Variants in STMN4 observed in about 807,000 individuals in gnomAD.
STMN4 encodes stathmin-4.
A neutral mutation model predicts 29.1 loss-of-function variants in STMN4; 12 were observed. That is an observed-to-expected ratio of 0.41 (90% CI 0.26 to 0.67). The LOEUF (loss-of-function observed/expected upper bound fraction) is 0.67, where lower values mean the gene tolerates loss of function less well. Ranked by LOEUF, STMN4 falls within the 30% of genes least tolerant of loss-of-function variation. STMN4 has a pLI of 0.30. For missense variants in STMN4, 181 were observed against 262.8 expected (o/e 0.69, Z 2.15); for synonymous variants, 114 against 105.3 (o/e 1.08, Z -0.51).
intron 1 of STMN4, among the ~76,000 whole-genome samples, chr8:27,250,967 G>A (rs954619973): frequency 7.9e-5 from 12 of 152,106 alleles, no homozygotes; most frequent in South Asian, 2.1e-4. Flanking sequence ...ATGCAGAAGC[G>A]GCTGAGTGCG....
chr8:27,254,179 T>C (rs1406303108), intron 1 of STMN4, among the ~76,000 whole-genome samples: 1 of 152,160 alleles, frequency 6.6e-6, no homozygotes, highest in Non-Finnish European at 1.5e-5. Flanking sequence ...TGTGTTTGTG[T>C]GTGGGCACAC....
chr8:27,238,291 G>T (rs761855519), intron 6 of STMN4, among the ~76,000 whole-genome samples: 9 of 152,178 alleles, frequency 5.9e-5, no homozygotes, highest in Non-Finnish European at 4.4e-5. Context: ...ATTGTTGAAG[G>T]TGTCCCTGGC....
chr8:27,255,860 C>T (rs1490605462), intron 1 of STMN4, among the ~76,000 whole-genome samples: 1 of 152,188 alleles, frequency 6.6e-6, no homozygotes. Context: ...ATGCAGGACA[C>T]TTTCACCGTC....
At chr8:27,244,071 C>CA (rs1216415853) in intron 1 of STMN4, among the ~76,000 whole-genome samples, 1 of 152,154 alleles carries the variant, frequency 6.6e-6, no homozygotes, top group Non-Finnish European at 1.5e-5. Flanking sequence ...GTGGGTTTCC[C>CA]AAAAACGTAT....
intron 2 of STMN4, 99 bp downstream of exon 2, chr8:27,243,612 C>G (rs1801540146): frequency 7.5e-7 from 1 of 1,326,402 alleles, no homozygotes; most frequent in Non-Finnish European, 1.1e-6. Flanking sequence ...ACCCCGTGTG[C>G]TTCCTGCCAG....
In STMN4 at chr8:27,236,781, C is replaced by A; in HGVS notation, c.*65G>T. On this transcript the variant is annotated 3_prime_UTR_variant, in exon 7 of 7. Coordinates refer to ENST00000350889, the MANE Select transcript of STMN4 (RefSeq NM_030795.4). ...CTGGGAGCGCAGCCGGCGGGCGAGG[C>A]TGCCTGGAACGTGGAGCTGCTGGAG... is the stretch of plus-strand genomic sequence containing the variant. 6.9e-7 allele frequency: 1 copy of A among 1,457,724 alleles called. No individual in the cohort carries two copies. Among genetic ancestry groups the A allele is most frequent in the South Asian group, 1.4e-5 (1 of 70,110 alleles). The allele number at this position is 1,457,724 out of a possible 1,614,324, so 90.3% of individuals were successfully genotyped here. A position where few individuals can be genotyped will look rare whatever the true frequency, so the allele number is the denominator to read the frequency against.
intron 1 of STMN4, among the ~76,000 whole-genome samples, chr8:27,251,932 G>A (rs1251791262): frequency 6.6e-6 from 1 of 151,598 alleles, no homozygotes; most frequent in Non-Finnish European, 1.5e-5. Flanking sequence ...CTAGCATTAG[G>A]TATATCTCCC....
chr8:27,256,584 C>G (rs73563944), intron 1 of STMN4, among the ~76,000 whole-genome samples: 1 of 151,822 alleles, frequency 6.6e-6, no homozygotes, highest in Non-Finnish European at 1.5e-5. Flanking sequence ...CAGATACAGA[C>G]ATATATGTAC....
chr8:27,258,097 A>C (rs1054242477), intron 1 of STMN4, among the ~76,000 whole-genome samples: 1 of 152,126 alleles, frequency 6.6e-6, no homozygotes, highest in African/African-American at 2.4e-5. Flanking sequence ...GCATCTGACA[A>C]TTCCCACCCA....
At chr8:27,245,781 C>T (rs991308371) in intron 1 of STMN4, among the ~76,000 whole-genome samples, 1 of 152,180 alleles carries the variant, frequency 6.6e-6, no homozygotes, top group African/African-American at 2.4e-5. Context: ...AGAAAGAAGG[C>T]AGATGGAGTA....
chr8:27,247,914 T>A (rs568458257), intron 1 of STMN4, among the ~76,000 whole-genome samples: 1 of 152,340 alleles, frequency 6.6e-6, no homozygotes, highest in African/African-American at 2.4e-5. Flanking sequence ...ATGTGTTTTC[T>A]GTTAGGTGAG....
chr8:27,249,357 T>C (rs1012122335), intron 1 of STMN4, among the ~76,000 whole-genome samples: 10 of 152,166 alleles, frequency 6.6e-5, no homozygotes, highest in Non-Finnish European at 1.3e-4. Context: ...GGGAACTACA[T>C]GGGACTTTTC....
At position 27,241,183 on chromosome 8, in the gene STMN4, G is replaced by A; in HGVS notation, c.270C>T (p.Ser90=). The A allele has an allele frequency of 1.9e-6, 3 of 1,614,236 alleles. No homozygotes were observed. The highest frequency in any genetic ancestry group is 2.5e-6 in the Non-Finnish European group (3 of 1,180,048). ...IELNKCTSGQ[S]FEVILKPPSF... is the part of the protein sequence containing the mutation. ...AGGGTGGCTTCAGGATGACTTCAAA[G>A]GATTGGCCCGAGGTGCATTTGTTCA... The change falls in exon 5 of 7, where the codon TCC becomes TCT. Residue 90 remains serine, a synonymous_variant. Coordinates refer to ENST00000350889, the MANE Select transcript of STMN4 (RefSeq NM_030795.4).
chr8:27,257,920 G>C (rs920646155), intron 1 of STMN4, among the ~76,000 whole-genome samples: 3 of 152,202 alleles, frequency 2.0e-5, no homozygotes, highest in African/African-American at 7.2e-5. Context: ...AAATGGGAAT[G>C]GGAGACAAGA....
In STMN4 at chr8:27,242,501, A is replaced by G; in HGVS notation, c.14-9T>C. 2 of 1,613,920 alleles carry G rather than the reference A, an allele frequency of 1.2e-6. No homozygotes were observed. The highest frequency in any genetic ancestry group is 1.7e-6 in the Non-Finnish European group (2 of 1,179,888). On this transcript the variant is annotated splice_polypyrimidine_tract_variant and intron_variant, in intron 2 of 6. Transcript: ENST00000350889. ...CATCTTCTCTTTGTAGGCTGCGGAA[A>G]CACCCAGTCAGGTGAGGATGGCGCC... is the stretch of plus-strand genomic sequence containing the variant.
In STMN4 at chr8:27,235,857, T is replaced by C. The variant is rs1025910474; in HGVS notation, c.*989A>G. 1.3e-5 allele frequency: 2 copies of C among 152,844 alleles called. No individual in the cohort carries two copies. Among genetic ancestry groups the C allele is most frequent in the Non-Finnish European group, 2.9e-5 (2 of 68,216 alleles). 9.5% of individuals were successfully genotyped at this position (152,844 alleles called of 1,614,324 possible). ...AGCCCTCACCAGACACTGAATCTGCTGGCACCTTGATATTGGACTTCCCAG... is the reference window on the plus strand; with the variant it reads ...AGCCCTCACCAGACACTGAATCTGCCGGCACCTTGATATTGGACTTCCCAG... On this transcript the variant is annotated 3_prime_UTR_variant, in exon 7 of 7. Coordinates refer to ENST00000350889, the MANE Select transcript of STMN4 (RefSeq NM_030795.4).
Position 27,238,255 on chromosome 8 carries a change from C to T in STMN4, c.592-1350G>A, listed in dbSNP as rs139757728. On this transcript the variant is annotated intron_variant, in intron 6 of 6. Transcript: ENST00000350889. The stretch of plus-strand genomic sequence containing the variant: ...TGAGTCTGGTACACAGGGTCAGTGA[C>T]CCACACAAACACTGGCACAGCAGGC... Among the ~76,000 whole-genome samples the T allele has an allele frequency of 3.1e-3, 466 of 152,298 alleles. 4 individuals carry two copies. Among genetic ancestry groups the T allele is most frequent in the African/African-American group, 0.011 (450 of 41,542 alleles).
At chr8:27,238,011 G>T (rs529276870) in intron 6 of STMN4, among the ~76,000 whole-genome samples, 19 of 152,238 alleles carry the variant, frequency 1.2e-4, no homozygotes, top group Non-Finnish European at 2.2e-4. Context: ...GACCCACGGA[G>T]GCCCCCAGGT....
intron 1 of STMN4, among the ~76,000 whole-genome samples, chr8:27,247,332 C>T (rs1431688843): frequency 6.6e-6 from 1 of 151,606 alleles, no homozygotes; most frequent in Non-Finnish European, 1.5e-5. Context: ...CTCATGCCAA[C>T]AGTCACATCA....
Sources: allele counts gnomAD v4.1 joint callset (sites outside exome capture counted in the v4.1 genomes callset), GRCh38; gene constraint gnomAD v4.1.1; transcripts MANE v1.5; gene names NCBI Gene and HGNC (gene_info 2026-07-23, HGNC 2026-07-21).